The following ZNF345 variants were observed in gnomAD, a reference collection of about 807,000 sequenced individuals.
The protein encoded by ZNF345 is zinc finger protein 345.
For missense variants in ZNF345, 527 were observed against 589.9 expected (o/e 0.89, Z 1.10); for synonymous variants, 166 against 187.9 (o/e 0.88, Z 0.95).
intron 3 of ZNF345, among the ~76,000 whole-genome samples, chr19:36,886,753 C>T (rs1460957269): frequency 8.6e-5 from 13 of 150,964 alleles, no homozygotes; most frequent in African/African-American, 2.9e-4. Context: ...TTTGGGAGGC[C>T]GAGGCGGGCG....
chr19:36,887,677 A>G (rs2073010434), intron 3 of ZNF345, among the ~76,000 whole-genome samples: 1 of 152,204 alleles, frequency 6.6e-6, no homozygotes, highest in African/African-American at 2.4e-5. Context: ...TACAAAAGGA[A>G]CACACGTAGA....
At chr19:36,886,953 C>T (rs1279705024) in intron 3 of ZNF345, among the ~76,000 whole-genome samples, 2 of 144,092 alleles carry the variant, frequency 1.4e-5, no homozygotes, top group African/African-American at 5.3e-5. Flanking sequence ...GGGATAGCGC[C>T]ACTGCAGTCC....
Position 36,877,547 on chromosome 19 carries a change from T to TA in ZNF345, c.718dup (p.Ser240LysfsTer16). 1 of 1,614,190 alleles carries TA rather than the reference T, an allele frequency of 6.2e-7. No homozygotes were observed. The highest frequency in any genetic ancestry group is 8.5e-7 in the Non-Finnish European group (1 of 1,180,032). Reference sequence around the variant, plus strand: ...AATGCAAAGCATGTGGAATGGCCTTTAGCAGTGGTTCGGCTCTTACTCGGC... The same window carrying TA: ...AATGCAAAGCATGTGGAATGGCCTTTAAGCAGTGGTTCGGCTCTTACTCGGC... On this transcript the variant is annotated frameshift_variant, in exon 3 of 3. Transcript: ENST00000420450. LOFTEE classifies it low-confidence loss of function (END_TRUNC).
rs2072935254 is a variant in ZNF345 at position 36,878,334 on chromosome 19, T to C, written c.*37T>C. On this transcript the variant is annotated 3_prime_UTR_variant, in exon 3 of 3. Transcript: ENST00000420450. ...GAAGGAAGGACTCTAAACATATGAC[T>C]TAAGAAAATTCATAGTGGTGAAAAT... 1 of 1,514,006 alleles carries C rather than the reference T, an allele frequency of 6.6e-7. No homozygotes were observed. The highest frequency in any genetic ancestry group is 2.3e-5 in the Admixed American group (1 of 43,956). 93.8% of individuals were successfully genotyped at this position (1,514,006 alleles called of 1,614,324 possible).
At chr19:36,871,908 C>T (rs892969849) in intron 2 of ZNF345, among the ~76,000 whole-genome samples, 4 of 152,058 alleles carry the variant, frequency 2.6e-5, no homozygotes, top group Admixed American at 2.6e-4. Flanking sequence ...GCTGGGATTA[C>T]AGGCATGTGC....
At chr19:36,886,866 C>T (rs1048647811) in intron 3 of ZNF345, among the ~76,000 whole-genome samples, 3 of 149,918 alleles carry the variant, frequency 2.0e-5, no homozygotes, top group African/African-American at 7.3e-5. Flanking sequence ...TGGTGGTGGG[C>T]GCCTGTAATC....
In ZNF345 at chr19:36,891,817, T is replaced by G. The variant is rs200398691; in HGVS notation, c.47-1001T>G. On this transcript the variant is annotated intron_variant, in intron 3 of 3. Coordinates refer to the ZNF345 transcript ENST00000526123. ...AAAGGCCTTCCCACACTGCTTACAT[T>G]CATAAGGTTTCTCACCAGTATGCAT... 54 of 1,614,044 alleles carry G rather than the reference T, an allele frequency of 3.3e-5. No homozygotes were observed. The highest frequency in any genetic ancestry group is 5.0e-5 in the Admixed American group (3 of 60,002).
At chr19:36,861,390 C>T (rs1270894846) in intron 2 of ZNF345, among the ~76,000 whole-genome samples, 1 of 152,162 alleles carries the variant, frequency 6.6e-6, no homozygotes, top group African/African-American at 2.4e-5. Flanking sequence ...TATCTTCCTT[C>T]TGTAGTAGTA....
At chr19:36,856,078 A>G (rs1480903190) in intron 2 of ZNF345, among the ~76,000 whole-genome samples, 1 of 152,214 alleles carries the variant, frequency 6.6e-6, no homozygotes, top group Non-Finnish European at 1.5e-5. Flanking sequence ...TGTGCACAAC[A>G]CTTAATACAC....
rs560905535 is a variant in ZNF345 at position 36,877,495 on chromosome 19, G to A, written c.665G>A (p.Arg222Gln). The change falls in exon 3 of 3, where the codon CGG becomes CAG. Residue 222 changes from arginine (R) to glutamine (Q), a missense_variant. Coordinates refer to ENST00000420450, the MANE Select transcript of ZNF345 (RefSeq NM_001242472.2). The part of the protein sequence containing the change: ...GSGSNLTQHR[R>Q]IHTGEKPYEC... ...GGTTCAAACCTTACTCAACATCGGCGGATTCATACTGGTGAGAAACCTTAT... is the reference window on the plus strand; with the variant it reads ...GGTTCAAACCTTACTCAACATCGGCAGATTCATACTGGTGAGAAACCTTAT... The A allele has an allele frequency of 3.2e-5, 51 of 1,614,124 alleles. No individual in the cohort carries two copies. The highest frequency in any genetic ancestry group is 2.5e-4 in the Admixed American group (15 of 60,026).
intron 2 of ZNF345, among the ~76,000 whole-genome samples, chr19:36,873,688 A>G (rs1275955483): frequency 7.5e-6 from 1 of 132,490 alleles, no homozygotes; most frequent in Non-Finnish European, 1.5e-5. Flanking sequence ...CTATTTCTGT[A>G]CTTTTTTTTT....
intron 2 of ZNF345, among the ~76,000 whole-genome samples, chr19:36,867,757 G>A (rs1471811093): frequency 6.6e-6 from 1 of 152,106 alleles, no homozygotes; most frequent in Non-Finnish European, 1.5e-5. Context: ...TCTCCATTCA[G>A]TGGACTTACT....
chr19:36,877,354 A>G lies in ZNF345; in HGVS notation c.524A>G (p.Glu175Gly). The G allele has an allele frequency of 6.2e-7, 1 of 1,613,964 alleles. No individual in the cohort carries two copies. The highest frequency in any genetic ancestry group is 8.5e-7 in the Non-Finnish European group (1 of 1,179,990). Residue 175 changes from glutamate (E) to glycine (G), a missense_variant, in exon 3 of 3, where the codon GAG becomes GGG. Physicochemically the swap from Glu to Gly is moderately conservative, Grantham distance 98. Coordinates refer to ENST00000420450, the MANE Select transcript of ZNF345 (RefSeq NM_001242472.2). ...ATTCACAGTGGTGAGAAGCCTTATG[A>G]GTGTAAGGAATGTGGGAAGTCCTTT... ...QIIHSGEKPY[E>G]CKECGKSFSF...
intron 2 of ZNF345, among the ~76,000 whole-genome samples, chr19:36,874,704 G>A (rs142894889): frequency 0.053 from 8,087 of 152,222 alleles, 306 homozygotes; most frequent in East Asian, 0.18. Flanking sequence ...ACTTGAACCC[G>A]GGAGGCGGAG....
chr19:36,878,623 C>CT lies in ZNF345; in HGVS notation c.*336dup, dbSNP rs10709788. On this transcript the variant is annotated 3_prime_UTR_variant, in exon 3 of 3. Transcript: ENST00000420450. ...AATCCTACTATATTTTTTCAATGGT[C>CT]TTTTTTTTTTGTATTATACAGAATT... 3.5e-3 allele frequency: 645 copies of CT among 185,116 alleles called. 1 individual carries two copies. The highest frequency in any genetic ancestry group is 0.015 in the Middle Eastern group (6 of 390). 11.5% of individuals were successfully genotyped at this position (185,116 alleles called of 1,614,324 possible). A position where few individuals can be genotyped will look rare whatever the true frequency, so the allele number is the denominator to read the frequency against.
rs1197025103 is a variant in ZNF345, at chr19:36,878,617, A to G, written c.*320A>G. The G allele has an allele frequency of 1.5e-5, 3 of 193,646 alleles. No homozygotes were observed. The highest frequency in any genetic ancestry group is 3.2e-5 in the Non-Finnish European group (3 of 95,106). 12.0% of individuals were successfully genotyped at this position (193,646 alleles called of 1,614,324 possible). On this transcript the variant is annotated 3_prime_UTR_variant, in exon 3 of 3. Coordinates refer to ENST00000420450, the MANE Select transcript of ZNF345 (RefSeq NM_001242472.2). ...TGGGTTAATCCTACTATATTTTTTC[A>G]ATGGTCTTTTTTTTTTGTATTATAC... is the stretch of plus-strand genomic sequence containing the variant.
At chr19:36,880,762 A>T (rs1462404902), downstream of ZNF345, among the ~76,000 whole-genome samples, 1 of 152,214 alleles carries the variant, frequency 6.6e-6, no homozygotes, top group Non-Finnish European at 1.5e-5. Context: ...TGGAAAACAG[A>T]ATAAGATCCT....
At chr19:36,887,057 G>A (rs1248225143) in intron 3 of ZNF345, among the ~76,000 whole-genome samples, 1 of 151,758 alleles carries the variant, frequency 6.6e-6, no homozygotes, top group Non-Finnish European at 1.5e-5. Flanking sequence ...CAGCTACTCG[G>A]GAGGCTGAGG....
chr19:36,883,428 C>A (rs2072979837), downstream of ZNF345, among the ~76,000 whole-genome samples: 1 of 152,174 alleles, frequency 6.6e-6, no homozygotes, highest in South Asian at 2.1e-4. Flanking sequence ...GTGATTTCAC[C>A]CCCGTGGGTT....
Sources: gnomAD v4.1 joint callset for allele counts (sites outside exome capture counted in the v4.1 genomes callset) on GRCh38, gnomAD v4.1.1 for gene constraint, MANE v1.5 for transcripts, NCBI Gene and HGNC (gene_info 2026-07-23, HGNC 2026-07-21) for gene names.